RNLS: variants seen among roughly 807,000 people sequenced by gnomAD.
RNLS encodes the protein renalase, FAD dependent amine oxidase, also known as renalase.
In RNLS, 39 loss-of-function variants were observed where a neutral mutation model predicts 39.8. The ratio of observed to expected loss-of-function variants is 0.98; its 90% CI spans 0.76 to 1.28. The LOEUF is 1.28. RNLS is among the 50% of genes most tolerant of loss of function. RNLS has a pLI of 0.00. For synonymous variants in RNLS, 147 were observed against 150.7 expected, an observed-to-expected ratio of 0.98 and a Z score of 0.18; for missense variants, 410 against 413.3, an observed-to-expected ratio of 0.99 and a Z score of 0.07.
intron 4 of RNLS, among the ~76,000 whole-genome samples, chr10:88,375,925 G>C (rs1478561947): frequency 1.3e-5 from 2 of 152,106 alleles, no homozygotes; most frequent in African/African-American, 2.4e-5. Context: ...ACTTCCAGGG[G>C]ATGGTGGCAA....
chr10:88,447,323 T>C (rs903986742), intron 4 of RNLS, among the ~76,000 whole-genome samples: 6 of 152,120 alleles, frequency 3.9e-5, no homozygotes, highest in African/African-American at 1.4e-4. Flanking sequence ...AGTCTCAGGA[T>C]ACAAAATTAA....
intron 4 of RNLS, among the ~76,000 whole-genome samples, chr10:88,389,316 G>T (rs1852055833): frequency 1.3e-5 from 2 of 151,220 alleles, no homozygotes; most frequent in South Asian, 4.2e-4. Flanking sequence ...ACTGTGCTGG[G>T]TTTTTTTTTG....
chr10:88,224,915 A>G, the RNLS span, among the ~76,000 whole-genome samples: 9 of 152,162 alleles, frequency 5.9e-5, no homozygotes, highest in African/African-American at 1.4e-4. Context: ...TTTTATTCTC[A>G]CCATTTATAG....
chr10:88,406,468 C>T (rs963820663), intron 4 of RNLS, among the ~76,000 whole-genome samples: 4 of 151,920 alleles, frequency 2.6e-5, no homozygotes, highest in African/African-American at 9.7e-5. Context: ...ATTCGAAGAC[C>T]TTGTCTTTGA....
chr10:88,555,787 T>C (rs1283554266), intron 4 of RNLS, among the ~76,000 whole-genome samples: 1 of 152,150 alleles, frequency 6.6e-6, no homozygotes, highest in East Asian at 1.9e-4. Context: ...TCTTGGCCTA[T>C]GGGACAACAT....
chr10:88,354,041 T>G (rs1848944747), intron 5 of RNLS, among the ~76,000 whole-genome samples: 1 of 152,210 alleles, frequency 6.6e-6, no homozygotes, highest in Non-Finnish European at 1.5e-5. Context: ...ACCCCTGCCT[T>G]TGTTTTCCAT....
chr10:88,266,697 A>C, the RNLS span, among the ~76,000 whole-genome samples: 1 of 54,956 alleles, frequency 1.8e-5, no homozygotes, highest in Non-Finnish European at 3.7e-5. Flanking sequence ...TTTTAAATAC[A>C]CACACACACA....
chr10:88,300,936 A>G (rs1005677895), intron 6 of RNLS, among the ~76,000 whole-genome samples: 2 of 152,224 alleles, frequency 1.3e-5, no homozygotes, highest in Non-Finnish European at 2.9e-5. Flanking sequence ...CTTGCAGAGC[A>G]TCTATGCCTA....
At chr10:88,387,452 A>G (rs1218021408) in intron 4 of RNLS, among the ~76,000 whole-genome samples, 1 of 151,068 alleles carries the variant, frequency 6.6e-6, no homozygotes, top group Non-Finnish European at 1.5e-5. Context: ...TGTGGCAGAA[A>G]GGACAAGAGA....
intron 4 of RNLS, among the ~76,000 whole-genome samples, chr10:88,559,207 A>C (rs1411365981): frequency 1.3e-5 from 2 of 152,142 alleles, no homozygotes; most frequent in Non-Finnish European, 2.9e-5. Flanking sequence ...GTGCATAATA[A>C]ATTTTGCATC....
At chr10:88,539,907 C>T (rs1002989281) in intron 4 of RNLS, among the ~76,000 whole-genome samples, 1 of 151,984 alleles carries the variant, frequency 6.6e-6, no homozygotes, top group Non-Finnish European at 1.5e-5. Context: ...TTTTTCACCA[C>T]AGTCTACATA....
chr10:88,441,809 G>A (rs1262034969), intron 4 of RNLS, among the ~76,000 whole-genome samples: 1 of 152,198 alleles, frequency 6.6e-6, no homozygotes, highest in Non-Finnish European at 1.5e-5. Context: ...TTTATTCTAG[G>A]ATTAATAAAC....
At chr10:88,191,817 C>T in the RNLS span, among the ~76,000 whole-genome samples, 1 of 152,184 alleles carries the variant, frequency 6.6e-6, no homozygotes, top group East Asian at 1.9e-4. Context: ...GAAACACTAT[C>T]TTGGGTCCAG....
the RNLS span, among the ~76,000 whole-genome samples, chr10:88,221,543 CTT>C: frequency 1.3e-5 from 2 of 152,208 alleles, no homozygotes; most frequent in African/African-American, 4.8e-5. Flanking sequence ...ATAAAATACA[CTT>C]AACACAAATA....
At chr10:88,486,746 C>T (rs1265022441) in intron 4 of RNLS, among the ~76,000 whole-genome samples, 2 of 152,154 alleles carry the variant, frequency 1.3e-5, no homozygotes, top group African/African-American at 4.8e-5. Flanking sequence ...AAAGGGAACA[C>T]TTATACATTG....
At chr10:88,473,661 C>T (rs533905500) in intron 4 of RNLS, among the ~76,000 whole-genome samples, 11 of 152,190 alleles carry the variant, frequency 7.2e-5, no homozygotes, top group Admixed American at 2.0e-4. Flanking sequence ...ATTAAGAAGA[C>T]GTCTTTAAAT....
chr10:88,266,972 G>A, the RNLS span, among the ~76,000 whole-genome samples: 1 of 152,092 alleles, frequency 6.6e-6, no homozygotes, highest in African/African-American at 2.4e-5. Context: ...TCTCAAATTT[G>A]AATCGTTGTC....
intron 4 of RNLS, among the ~76,000 whole-genome samples, chr10:88,476,142 G>C (rs556515216): frequency 3.7e-4 from 57 of 152,166 alleles, no homozygotes; most frequent in Non-Finnish European, 6.9e-4. Flanking sequence ...CCTATCTAAG[G>C]AACGGATGTG....
intron 4 of RNLS, among the ~76,000 whole-genome samples, chr10:88,526,985 G>A (rs1847140608): frequency 6.6e-6 from 1 of 151,890 alleles, no homozygotes; most frequent in Admixed American, 6.6e-5. Context: ...AAAAAAGAGG[G>A]CAGTTAAGTA....
Sources: gnomAD v4.1 joint callset for allele counts (sites outside exome capture counted in the v4.1 genomes callset) on GRCh38, gnomAD v4.1.1 for gene constraint, MANE v1.5 for transcripts, NCBI Gene and HGNC (gene_info 2026-07-23, HGNC 2026-07-21) for gene names.